NTN1: variants seen among roughly 807,000 people sequenced by gnomAD.
NTN1 encodes the protein netrin-1.
NTN1 carries 11 observed loss-of-function variants against 54.2 expected under a neutral mutation model. The ratio of observed to expected loss-of-function variants is 0.20; its 90% CI spans 0.13 to 0.34. The LOEUF is 0.34. Ranked by LOEUF, NTN1 falls within the 10% of genes least tolerant of loss-of-function variation. The probability of loss-of-function intolerance (pLI) is 1.00; values close to 1 mark genes in which losing one functional copy is unlikely to be tolerated. For synonymous variants in NTN1, 371 were observed against 382.0 expected, an observed-to-expected ratio of 0.97 and a Z score of 0.33; for missense variants, 740 against 893.1, an observed-to-expected ratio of 0.83 and a Z score of 2.18.
chr17:9,124,862 G>A (rs1286815522), intron 2 of NTN1, among the ~76,000 whole-genome samples: 2 of 152,140 alleles, frequency 1.3e-5, no homozygotes, highest in South Asian at 2.1e-4. Context: ...TAGCTTCTGT[G>A]TGCCTCAGTT....
intron 2 of NTN1, among the ~76,000 whole-genome samples, chr17:9,145,350 G>A (rs1295944205): frequency 6.6e-6 from 1 of 152,154 alleles, no homozygotes; most frequent in Non-Finnish European, 1.5e-5. Context: ...TACCTGAGGG[G>A]AACTAATGTC....
chr17:9,035,236 G>A (rs1160705739), intron 2 of NTN1, among the ~76,000 whole-genome samples: 1 of 152,308 alleles, frequency 6.6e-6, no homozygotes. Context: ...ATGAGCCACC[G>A]TGCCCAGACG....
intron 2 of NTN1, among the ~76,000 whole-genome samples, chr17:9,078,722 A>G (rs2092059930): frequency 6.6e-6 from 1 of 152,214 alleles, no homozygotes; most frequent in Admixed American, 6.5e-5. Flanking sequence ...TCTGGGATAG[A>G]GAAACCATCC....
chr17:9,013,432 T>C, the NTN1 span, among the ~76,000 whole-genome samples: 44 of 152,184 alleles, frequency 2.9e-4, no homozygotes, highest in African/African-American at 1.0e-3. Context: ...GTCAGGCTGG[T>C]CTTGAACTCC....
intron 2 of NTN1, among the ~76,000 whole-genome samples, chr17:9,115,518 G>A (rs937963056): frequency 6.6e-6 from 1 of 152,236 alleles, no homozygotes; most frequent in Non-Finnish European, 1.5e-5. Flanking sequence ...GACAGATCCC[G>A]GCTGAAATCT....
Position 9,214,390 on chromosome 17 carries a change from A to G in NTN1, c.1412-6778A>G, listed in dbSNP as rs566915390. On this transcript the variant is annotated intron_variant, in intron 5 of 6. Coordinates refer to ENST00000173229, the MANE Select transcript of NTN1 (RefSeq NM_004822.3). ...GTCAAAAAATCCTTGTTTAATTACT[A>G]GGTGATGTTCTTTTTCCACTATAAA... Among the ~76,000 whole-genome samples the G allele has an allele frequency of 6.6e-5, 10 of 152,330 alleles. No homozygotes were observed. The East Asian group carries it at 1.9e-3, about 29-fold the overall frequency.
intron 5 of NTN1, among the ~76,000 whole-genome samples, chr17:9,215,936 T>C (rs1281584643): frequency 6.6e-6 from 1 of 152,208 alleles, no homozygotes; most frequent in African/African-American, 2.4e-5. Context: ...TACAGTATCA[T>C]GAATCTTTGC....
intron 2 of NTN1, among the ~76,000 whole-genome samples, chr17:9,129,104 A>G (rs556534139): frequency 6.6e-6 from 1 of 152,284 alleles, no homozygotes; most frequent in East Asian, 1.9e-4. Flanking sequence ...CTCGGCCAGC[A>G]AAAAGAGAGG....
chr17:9,009,940 C>A, the NTN1 span, among the ~76,000 whole-genome samples: 1 of 152,150 alleles, frequency 6.6e-6, no homozygotes, highest in Non-Finnish European at 1.5e-5. Context: ...TTTCCTCACT[C>A]GTAATCTGGG....
At chr17:9,213,632 T>G (rs1905158668) in intron 5 of NTN1, among the ~76,000 whole-genome samples, 1 of 152,250 alleles carries the variant, frequency 6.6e-6, no homozygotes, top group East Asian at 1.9e-4. Context: ...CATATAAAAC[T>G]GCTTTTTTAA....
intron 2 of NTN1, among the ~76,000 whole-genome samples, chr17:9,146,584 ACCTGTGGGTCTTTAGACACAC>A (rs1468357820): frequency 4.0e-5 from 6 of 151,544 alleles, no homozygotes; most frequent in Admixed American, 6.6e-5. Flanking sequence ...GCTGGAGGGG[ACCTGTGGGTCTTTAGACACAC>A]CCTGGGGGTC....
intron 2 of NTN1, among the ~76,000 whole-genome samples, chr17:9,075,543 G>T (rs1320148675): frequency 1.3e-5 from 2 of 152,094 alleles, no homozygotes; most frequent in Non-Finnish European, 2.9e-5. Flanking sequence ...AATAAAACGG[G>T]GCTCTATGAG....
chr17:9,233,277 C>T (rs1905876897), intron 6 of NTN1, among the ~76,000 whole-genome samples: 1 of 152,150 alleles, frequency 6.6e-6, no homozygotes, highest in South Asian at 2.1e-4. Context: ...CGGCCACTCC[C>T]CCAGGGCCCA....
At position 9,243,520 on chromosome 17, in the gene NTN1, G is replaced by C. The variant is rs908459528; in HGVS notation, c.*3552G>C. 6 of 152,266 alleles carry C rather than the reference G, an allele frequency of 3.9e-5. No individual in the cohort carries two copies. The highest frequency in any genetic ancestry group is 5.9e-5 in the Non-Finnish European group (4 of 68,082). The allele number at this position is 152,266 out of a possible 1,614,324, so 9.4% of individuals were successfully genotyped here. A position where few individuals can be genotyped will look rare whatever the true frequency, so the allele number is the denominator to read the frequency against. On this transcript the variant is annotated 3_prime_UTR_variant, in exon 7 of 7. Transcript: ENST00000173229. Reference sequence around the variant, plus strand: ...CTTGAAGCCCAGAGTGGACAGACTAGACCCATTGATGGGGCCACTGGCCAT... The same window carrying C: ...CTTGAAGCCCAGAGTGGACAGACTACACCCATTGATGGGGCCACTGGCCAT...
chr17:9,093,052 C>T (rs762742052), intron 2 of NTN1, among the ~76,000 whole-genome samples: 4 of 152,204 alleles, frequency 2.6e-5, no homozygotes, highest in Non-Finnish European at 5.9e-5. Flanking sequence ...GCCACTGCGC[C>T]CAGCCAATTT....
chr17:9,153,660 A>T (rs763137684), intron 2 of NTN1, among the ~76,000 whole-genome samples: 2 of 152,202 alleles, frequency 1.3e-5, no homozygotes, highest in Non-Finnish European at 2.9e-5. Context: ...CGTCAGCCCT[A>T]TGGCAGGCGT....
chr17:9,214,638 C>T (rs1231644699), intron 5 of NTN1, among the ~76,000 whole-genome samples: 2 of 152,166 alleles, frequency 1.3e-5, no homozygotes, highest in Non-Finnish European at 2.9e-5. Context: ...CTGGCTAACA[C>T]AGTGAAACCC....
intron 2 of NTN1, among the ~76,000 whole-genome samples, chr17:9,140,287 G>T (rs1208686444): frequency 6.6e-6 from 1 of 152,178 alleles, no homozygotes. Flanking sequence ...GAGCTCTGAA[G>T]TAAGAATGGT....
intron 2 of NTN1, among the ~76,000 whole-genome samples, chr17:9,087,083 A>T (rs940556569): frequency 2.0e-5 from 3 of 152,172 alleles, no homozygotes; most frequent in African/African-American, 7.2e-5. Context: ...GGTGAAGAAA[A>T]TGAGGATCCT....
Sources: allele counts gnomAD v4.1 joint callset (sites outside exome capture counted in the v4.1 genomes callset), GRCh38; gene constraint gnomAD v4.1.1; transcripts MANE v1.5; gene names NCBI Gene and HGNC (gene_info 2026-07-23, HGNC 2026-07-21).